Variants in ADAM20 observed in about 807,000 individuals in gnomAD.
ADAM20 encodes ADAM metallopeptidase domain 20, also known as disintegrin and metalloproteinase domain-containing protein 20.
For missense variants in ADAM20, 871 were observed against 883.2 expected (o/e 0.99, Z 0.18); for synonymous variants, 305 against 310.2 (o/e 0.98, Z 0.18).
At chr14:70,577,303 C>T in the ADAM20 span, among the ~76,000 whole-genome samples, 1 of 152,164 alleles carries the variant, frequency 6.6e-6, no homozygotes, top group African/African-American at 2.4e-5. Flanking sequence ...TCCTGAAATA[C>T]AACATCGGTT....
At chr14:70,560,107 G>T in the ADAM20 span, among the ~76,000 whole-genome samples, 1 of 152,090 alleles carries the variant, frequency 6.6e-6, no homozygotes, top group Non-Finnish European at 1.5e-5. Context: ...ATTAAAAGCT[G>T]TGAATAAAAA....
the ADAM20 span, among the ~76,000 whole-genome samples, chr14:70,554,140 T>G: frequency 6.6e-6 from 1 of 151,792 alleles, no homozygotes; most frequent in South Asian, 2.1e-4. Context: ...AATCTGAAAA[T>G]GAAATAAAAA....
At chr14:70,573,859 G>T in the ADAM20 span, among the ~76,000 whole-genome samples, 5 of 152,112 alleles carry the variant, frequency 3.3e-5, no homozygotes, top group Admixed American at 3.3e-4. Flanking sequence ...CCAACATCAG[G>T]GCACCTAAAG....
the ADAM20 span, among the ~76,000 whole-genome samples, chr14:70,553,354 A>G: frequency 6.8e-6 from 1 of 146,722 alleles, no homozygotes; most frequent in Admixed American, 6.8e-5. Flanking sequence ...ATTGAAAAAA[A>G]AAAAAAAGAG....
At chr14:70,525,044 G>A (rs1031104742) in intron 1 of ADAM20, 111 bp from the exon 2 acceptor site, 2 of 953,086 alleles carry the variant, frequency 2.1e-6, no homozygotes, top group African/African-American at 3.3e-5. Context: ...AATGCATTAG[G>A]ATTCTCTTAA....
intron 1 of ADAM20, among the ~76,000 whole-genome samples, chr14:70,526,486 G>A (rs1160755140): frequency 6.6e-6 from 1 of 152,128 alleles, no homozygotes; most frequent in Non-Finnish European, 1.5e-5. Flanking sequence ...AATATCCTTG[G>A]TATGTGTCAT....
At chr14:70,530,471 T>C (rs998894979) in intron 1 of ADAM20, among the ~76,000 whole-genome samples, 3 of 152,182 alleles carry the variant, frequency 2.0e-5, no homozygotes, top group Non-Finnish European at 2.9e-5. Context: ...AGGAAATCTT[T>C]TATCATCATT....
At chr14:70,558,064 A>G in the ADAM20 span, among the ~76,000 whole-genome samples, 1,303 of 152,348 alleles carry the variant, frequency 8.6e-3, 11 homozygotes, top group African/African-American at 0.029. Context: ...CTCTGTGGAT[A>G]TACCCTTTAA....
chr14:70,543,840 T>C, the ADAM20 span, among the ~76,000 whole-genome samples: 1 of 152,166 alleles, frequency 6.6e-6, no homozygotes, highest in South Asian at 2.1e-4. Flanking sequence ...GTCCTTTTTA[T>C]AACTATACGG....
the ADAM20 span, among the ~76,000 whole-genome samples, chr14:70,565,143 G>A: frequency 2.0e-5 from 3 of 151,156 alleles, no homozygotes; most frequent in African/African-American, 4.9e-5. Context: ...TTAAAAAATC[G>A]CAAGAGAGGT....
At position 70,522,603 on chromosome 14, in the gene ADAM20, T is replaced by C; in HGVS notation, c.2155A>G (p.Lys719Glu). ...CLHVLFKKRT[K>E]SKEDEEG ...TATCCTTCTTCATCTTCTTTACTTT[T>C]TGTGCGTTTCTTAAAAAGCACATGT... Residue 719 changes from lysine to glutamate, a missense_variant, in exon 2 of 2, where the codon AAA (lysine) becomes GAA (glutamate). Physicochemically the swap from Lys to Glu is moderately conservative, Grantham distance 56 (BLOSUM62 1). Coordinates refer to ENST00000256389, the MANE Select transcript of ADAM20 (RefSeq NM_003814.5). The C allele has an allele frequency of 1.9e-6, 3 of 1,610,992 alleles. No individual in the cohort carries two copies. Among genetic ancestry groups the C allele is most frequent in the Non-Finnish European group, 2.5e-6 (3 of 1,178,728 alleles).
At chr14:70,555,855 C>T in the ADAM20 span, among the ~76,000 whole-genome samples, 2 of 152,176 alleles carry the variant, frequency 1.3e-5, no homozygotes, top group African/African-American at 4.8e-5. Context: ...TTGTTTTCAC[C>T]ATCTACTTTC....
rs754948570 is a variant in ADAM20, at chr14:70,524,202, A to T, written c.556T>A (p.Leu186Met). Residue 186 changes from leucine to methionine, a missense_variant, in exon 2 of 2, where the codon TTG (leucine) becomes ATG (methionine). Leu to Met is a conservative substitution (Grantham distance 15). Coordinates refer to ENST00000256389, the MANE Select transcript of ADAM20 (RefSeq NM_003814.5). The stretch of plus-strand genomic sequence containing the variant: ...AGAGTGAAATTATATGACAATTGCA[A>T]CTCCATCTGGTGTGCTATTTTCTCT... ...TEEKIAHQME[L>M]QLSYNFTLKQ... 6.2e-7 allele frequency: 1 copy of T among 1,613,786 alleles called. No homozygotes were observed. Among genetic ancestry groups the T allele is most frequent in the South Asian group, 1.1e-5 (1 of 91,064 alleles).
chr14:70,529,958 A>C (rs1883674805), intron 1 of ADAM20, among the ~76,000 whole-genome samples: 1 of 152,186 alleles, frequency 6.6e-6, no homozygotes, highest in African/African-American at 2.4e-5. Flanking sequence ...CTTAGCTTGA[A>C]ACATAAAACA....
intron 1 of ADAM20, among the ~76,000 whole-genome samples, chr14:70,526,817 C>T (rs1566657028): frequency 6.6e-6 from 1 of 152,106 alleles, no homozygotes; most frequent in Non-Finnish European, 1.5e-5. Flanking sequence ...TCTTCTAATT[C>T]CAGTAACAAT....
the ADAM20 span, among the ~76,000 whole-genome samples, chr14:70,573,423 T>G: frequency 1.3e-5 from 2 of 152,278 alleles, no homozygotes; most frequent in African/African-American, 4.8e-5. Context: ...ATACTAGGGA[T>G]TCCAAGGGTG....
chr14:70,578,848 C>T, the ADAM20 span, among the ~76,000 whole-genome samples: 1 of 152,036 alleles, frequency 6.6e-6, no homozygotes, highest in African/African-American at 2.4e-5. Flanking sequence ...CCTCCCTCCC[C>T]ACTTTTGGAA....
the ADAM20 span, among the ~76,000 whole-genome samples, chr14:70,563,197 C>T: frequency 3.9e-5 from 6 of 152,238 alleles, no homozygotes; most frequent in South Asian, 1.2e-3. Context: ...ACACACCCTT[C>T]CCTGAAGCCA....
chr14:70,524,975 AAG>A (rs1014215411), intron 1 of ADAM20, 42 bp from the exon 2 acceptor site: 24 of 1,493,348 alleles, frequency 1.6e-5, no homozygotes, highest in South Asian at 4.0e-5. Context: ...GAAAGGGAGA[AAG>A]AGAGAGAGAA....
Sources: allele counts gnomAD v4.1 joint callset (sites outside exome capture counted in the v4.1 genomes callset), GRCh38; gene constraint gnomAD v4.1.1; transcripts MANE v1.5; gene names NCBI Gene and HGNC (gene_info 2026-07-23, HGNC 2026-07-21).